IQGAP2: variants seen among roughly 807,000 people sequenced by gnomAD.
The protein encoded by IQGAP2 is IQ motif containing GTPase activating protein 2.
A neutral mutation model predicts 201.3 loss-of-function variants in IQGAP2; 173 were observed. The observed-to-expected ratio is 0.86, with a 90% CI of 0.76 to 0.98. The LOEUF (loss-of-function observed/expected upper bound fraction) is 0.98. Among genes scored for constraint, IQGAP2 ranks in the 50% least tolerant of loss-of-function variants. The probability of loss-of-function intolerance (pLI) is 0.00; values close to 1 mark genes in which losing one functional copy is unlikely to be tolerated. For synonymous variants in IQGAP2, 675 were observed against 673.9 expected (o/e 1.00, Z -0.03); for missense variants, 1,687 against 1,864.8 (o/e 0.90, Z 1.76).
At chr5:76,672,889 A>C (rs528692045) in intron 24 of IQGAP2, among the ~76,000 whole-genome samples, 2 of 116,998 alleles carry the variant, frequency 1.7e-5, no homozygotes, top group East Asian at 5.9e-4. Flanking sequence ...GGAACATCAC[A>C]CTCTGGGGAC....
At chr5:76,704,706 G>T (rs1011915039) in intron 35 of IQGAP2, among the ~76,000 whole-genome samples, 1 of 152,198 alleles carries the variant, frequency 6.6e-6, no homozygotes, top group Non-Finnish European at 1.5e-5. Flanking sequence ...GACCCTGTGC[G>T]GCTGCACAGA....
chr5:76,445,901 T>C (rs1207091247), intron 1 of IQGAP2, among the ~76,000 whole-genome samples: 4 of 152,232 alleles, frequency 2.6e-5, no homozygotes, highest in African/African-American at 9.6e-5. Context: ...TCTATGAATT[T>C]GACTACTCTT....
At chr5:76,441,540 A>G in intron 1 of IQGAP2, 1 of 984,100 alleles carries the variant, frequency 1.0e-6, no homozygotes, top group South Asian at 4.7e-5. Flanking sequence ...CAACTGTAAT[A>G]ATGCTACTTC....
chr5:76,584,238 A>G (rs1561484126), intron 5 of IQGAP2, among the ~76,000 whole-genome samples: 2 of 152,182 alleles, frequency 1.3e-5, no homozygotes, highest in African/African-American at 4.8e-5. Flanking sequence ...GGATAAACAG[A>G]GCATAATGTG....
intron 2 of IQGAP2, among the ~76,000 whole-genome samples, chr5:76,482,881 G>C (rs904074564): frequency 6.6e-6 from 1 of 152,070 alleles, no homozygotes; most frequent in African/African-American, 2.4e-5. Context: ...TGCCTGAGTG[G>C]CCTTGAGCAA....
intron 2 of IQGAP2, among the ~76,000 whole-genome samples, chr5:76,523,272 T>C (rs978598325): frequency 8.6e-5 from 13 of 151,826 alleles, no homozygotes; most frequent in African/African-American, 2.9e-4. Flanking sequence ...AAAAATTTTG[T>C]AAGGGGGAGA....
At chr5:76,462,536 T>G (rs527886460) in intron 2 of IQGAP2, among the ~76,000 whole-genome samples, 1 of 152,310 alleles carries the variant, frequency 6.6e-6, no homozygotes, top group South Asian at 2.1e-4. Flanking sequence ...ACAGAGTTCA[T>G]ATACCATGAG....
In IQGAP2 at chr5:76,637,050, A is replaced by G; in HGVS notation, c.1797A>G (p.Ser599=). The part of the protein sequence containing the change: ...LKSERVSSDG[S]WLKLNLHKKY... ...TTTCTTTAGTGTCTAGTGACGGTTCATGGCTCAAACTCAACCTGCACAAAA... is the reference window on the plus strand; with the variant it reads ...TTTCTTTAGTGTCTAGTGACGGTTCGTGGCTCAAACTCAACCTGCACAAAA... The change falls in exon 16 of 36, where the codon TCA becomes TCG. Residue 599 remains serine (S), a synonymous_variant. Transcript: ENST00000274364. The G allele has an allele frequency of 1.9e-6, 3 of 1,609,264 alleles. 1 individual carries two copies. The South Asian group carries it at 3.3e-5, about 18-fold the overall frequency.
At position 76,535,588 on chromosome 5, in the gene IQGAP2, G is replaced by T. The variant is rs990378802; in HGVS notation, c.147-26808G>T. Reference sequence around the variant, plus strand: ...GTGATTGCTATGCGGCACGCCCTGGGTCTGTGTGACAAAATGGCTTGAGTC... The same window carrying T: ...GTGATTGCTATGCGGCACGCCCTGGTTCTGTGTGACAAAATGGCTTGAGTC... On this transcript the variant is annotated intron_variant, in intron 2 of 35. Coordinates refer to ENST00000274364, the MANE Select transcript of IQGAP2 (RefSeq NM_006633.5). Among the ~76,000 whole-genome samples the T allele has an allele frequency of 5.3e-5, 8 of 152,318 alleles. No individual in the cohort carries two copies. In the East Asian group the frequency reaches 1.5e-3, roughly 29 times the overall value.
intron 25 of IQGAP2, 92 bp downstream of exon 25, chr5:76,673,681 T>C: frequency 7.9e-7 from 1 of 1,272,626 alleles, no homozygotes; most frequent in South Asian, 1.4e-5. Flanking sequence ...GACAGCAGTT[T>C]TCCCTTATAT....
At chr5:76,620,656 C>T (rs891420573) in intron 13 of IQGAP2, among the ~76,000 whole-genome samples, 2 of 151,864 alleles carry the variant, frequency 1.3e-5, no homozygotes, top group African/African-American at 2.4e-5. Context: ...TGGAGGCTCT[C>T]GTTTAATTTA....
chr5:76,627,907 G>A (rs908930406), intron 14 of IQGAP2, among the ~76,000 whole-genome samples: 2 of 152,108 alleles, frequency 1.3e-5, no homozygotes, highest in Admixed American at 6.5e-5. Flanking sequence ...AGCTGATCAT[G>A]GTGCAACTAG....
At chr5:76,438,038 T>TTG (rs1752815425) in intron 1 of IQGAP2, among the ~76,000 whole-genome samples, 1 of 117,102 alleles carries the variant, frequency 8.5e-6, no homozygotes, top group South Asian at 2.4e-4. Flanking sequence ...TTTGTTTGTT[T>TTG]TTTTTTTTGT....
At chr5:76,618,442 T>G in intron 13 of IQGAP2, 3 of 1,614,190 alleles carry the variant, frequency 1.9e-6, no homozygotes, top group Non-Finnish European at 2.5e-6. Flanking sequence ...AAGGAGCTGG[T>G]CAGGTACCCC....
chr5:76,641,179 T>G, intron 17 of IQGAP2, 76 bp downstream of exon 17: 1 of 1,137,262 alleles, frequency 8.8e-7, no homozygotes, highest in Non-Finnish European at 1.2e-6. Flanking sequence ...AATAGAATAG[T>G]CAACTACCAG....
intron 1 of IQGAP2, among the ~76,000 whole-genome samples, chr5:76,425,377 T>C (rs1338984339): frequency 6.6e-6 from 1 of 152,166 alleles, no homozygotes; most frequent in African/African-American, 2.4e-5. Flanking sequence ...GAAGTCTGAA[T>C]AGCAAACAGC....
intron 5 of IQGAP2, among the ~76,000 whole-genome samples, chr5:76,578,179 T>C (rs1745596403): frequency 6.6e-6 from 1 of 152,190 alleles, no homozygotes; most frequent in South Asian, 2.1e-4. Context: ...CAGTCTCGTG[T>C]CCTACCACTC....
At chr5:76,417,319 T>C (rs1404481206) in intron 1 of IQGAP2, among the ~76,000 whole-genome samples, 1 of 152,210 alleles carries the variant, frequency 6.6e-6, no homozygotes, top group Non-Finnish European at 1.5e-5. Context: ...AGATGAAGTC[T>C]TGCTCTGTCA....
At chr5:76,496,739 T>G (rs1359367806) in intron 2 of IQGAP2, among the ~76,000 whole-genome samples, 2 of 46,262 alleles carry the variant, frequency 4.3e-5, no homozygotes, top group Non-Finnish European at 8.2e-5. Flanking sequence ...CTTTCTTTCT[T>G]TCTTTCTTTC....
Sources: gnomAD v4.1 joint callset for allele counts (sites outside exome capture counted in the v4.1 genomes callset) on GRCh38, gnomAD v4.1.1 for gene constraint, MANE v1.5 for transcripts, NCBI Gene and HGNC (gene_info 2026-07-23, HGNC 2026-07-21) for gene names.